Variants in ZZEF1 observed in about 807,000 individuals in gnomAD.
ZZEF1 encodes the protein zinc finger ZZ-type and EF-hand domain containing 1.
In ZZEF1, 157 loss-of-function variants were observed where a neutral mutation model predicts 342.8. The ratio of observed to expected loss-of-function variants is 0.46; its 90% CI spans 0.40 to 0.52. The LOEUF (loss-of-function observed/expected upper bound fraction) is 0.52. Ranked by LOEUF, ZZEF1 falls within the 20% of genes least tolerant of loss-of-function variation. ZZEF1 has a pLI of 0.00. For synonymous variants in ZZEF1, 1,505 were observed against 1,429.1 expected, an observed-to-expected ratio of 1.05 and a Z score of -1.20; for missense variants, 3,480 against 3,725.6, an observed-to-expected ratio of 0.93 and a Z score of 1.72.
chr17:4,128,471 T>TA (rs1403593416), intron 1 of ZZEF1, among the ~76,000 whole-genome samples: 3 of 151,112 alleles, frequency 2.0e-5, no homozygotes, highest in East Asian at 1.9e-4. Context: ...TTTTTTTTTT[T>TA]AAATTTGACA....
In ZZEF1 at chr17:4,072,610, C is replaced by T. The variant is rs1485650074; in HGVS notation, c.3832G>A (p.Glu1278Lys). The change falls in exon 25 of 55, where the codon GAG becomes AAG. Residue 1278 changes from glutamate to lysine, a missense_variant and splice_region_variant. Around this residue, in one of 5 missense-constraint regions of ZZEF1, gnomAD observed 1,528 missense variants for 1,624.1 expected, o/e 0.94. Transcript: ENST00000381638. ...WPTHPHRNSK[E>K]VKNIPDDPCR... ...AAAGAAAACGGAAGAGTAAATACCTCCTTACTATTCCGGTGTGGGTGAGTG... is the reference window on the plus strand; with the variant it reads ...AAAGAAAACGGAAGAGTAAATACCTTCTTACTATTCCGGTGTGGGTGAGTG... 6.2e-7 allele frequency: 1 copy of T among 1,608,562 alleles called. No individual in the cohort carries two copies. Among genetic ancestry groups the T allele is most frequent in the Admixed American group, 1.7e-5 (1 of 58,900 alleles).
chr17:4,033,083 A>C, intron 40 of ZZEF1, 81 bp from the exon 41 acceptor site: 1 of 1,369,022 alleles, frequency 7.3e-7, no homozygotes, highest in Admixed American at 2.5e-5. Context: ...TCCAAGGCAG[A>C]CCCAGAAGCC....
intron 33 of ZZEF1, among the ~76,000 whole-genome samples, chr17:4,055,778 G>A (rs2057144614): frequency 6.6e-6 from 1 of 152,194 alleles, no homozygotes; most frequent in African/African-American, 2.4e-5. Context: ...CAGGTTAAAG[G>A]TTAAACACCA....
Position 4,008,759 on chromosome 17 carries a change from CTG to C in ZZEF1, c.8805+122_8805+123del. Reference sequence around the variant, plus strand: ...GGAAGTGACTGAACTGGAACAAGCTCTGTGTAAGCTCCGGGTGGATTCTGTCC... The same window carrying C: ...GGAAGTGACTGAACTGGAACAAGCTCTGTAAGCTCCGGGTGGATTCTGTCC... On this transcript the variant is annotated intron_variant, in intron 54 of 54. Transcript: ENST00000381638. The surrounding 1 kb of genome is among the most constrained non-coding windows in gnomAD (Gnocchi z 4.2). 6.9e-7 allele frequency: 1 copy of C among 1,449,388 alleles called. No individual in the cohort carries two copies. Among genetic ancestry groups the C allele is most frequent in the Non-Finnish European group, 9.1e-7 (1 of 1,098,756 alleles). The allele number at this position is 1,449,388 out of a possible 1,614,324, so 89.8% of individuals were successfully genotyped here. A position where few individuals can be genotyped will look rare whatever the true frequency, so the allele number is the denominator to read the frequency against.
rs751494895 is a variant in ZZEF1, at chr17:4,049,784, G to A, written c.5939C>T (p.Thr1980Ile). ...SSLEDQALPV[T>I]VPTGASEEQL... ...CTCCTCTGACGCTCCGGTGGGCACAGTGACTGGTAGGGCCTGATCTTCTAG... is the reference window on the plus strand; with the variant it reads ...CTCCTCTGACGCTCCGGTGGGCACAATGACTGGTAGGGCCTGATCTTCTAG... Residue 1980 changes from threonine to isoleucine, a missense_variant, in exon 37 of 55, where the codon ACT (threonine) becomes ATT (isoleucine). Physicochemically the swap from Thr to Ile is moderately conservative, Grantham distance 89 (BLOSUM62 -1). Around this residue, in one of 5 missense-constraint regions of ZZEF1, gnomAD observed 1,269 missense variants for 1,342.4 expected, o/e 0.95. Transcript: ENST00000381638. The A allele has an allele frequency of 3.7e-6, 6 of 1,614,208 alleles. No homozygotes were observed. Among genetic ancestry groups the A allele is most frequent in the Non-Finnish European group, 5.1e-6 (6 of 1,180,042 alleles).
rs766307167 is a variant in ZZEF1, at chr17:4,009,466, C to T, written c.8733+138G>A. 8 of 1,209,460 alleles carry T rather than the reference C, an allele frequency of 6.6e-6. No individual in the cohort carries two copies. The East Asian group carries it at 1.4e-4, about 21-fold the overall frequency. 74.9% of individuals were successfully genotyped at this position (1,209,460 alleles called of 1,614,324 possible). On this transcript the variant is annotated intron_variant, in intron 53 of 54. Transcript: ENST00000381638. ...GGGAGAGGCGAGAGCCTCAGACTCT[C>T]AGCCATGCCTGTCCTGTGTGGCCTG...
intron 44 of ZZEF1, 67 bp from the exon 45 acceptor site, chr17:4,021,387 A>G: frequency 7.6e-7 from 1 of 1,312,816 alleles, no homozygotes; most frequent in Non-Finnish European, 1.0e-6. Context: ...CAGTCCTTTA[A>G]TCATGAAAAT....
chr17:4,007,074 A>T, intron 54 of ZZEF1, 104 bp from the exon 55 acceptor site: 1 of 1,052,804 alleles, frequency 9.5e-7, no homozygotes, highest in Non-Finnish European at 1.4e-6. Context: ...GGGACGGAGG[A>T]GGGGAACCAG....
intron 1 of ZZEF1, among the ~76,000 whole-genome samples, chr17:4,141,008 A>C (rs964131956): frequency 1.3e-5 from 2 of 151,776 alleles, no homozygotes; most frequent in Admixed American, 6.6e-5. Flanking sequence ...TCCTGGGTTC[A>C]AGCGGTTGTC....
chr17:4,107,308 C>CAA (rs928767582), intron 6 of ZZEF1, among the ~76,000 whole-genome samples: 1 of 151,790 alleles, frequency 6.6e-6, no homozygotes, highest in African/African-American at 2.4e-5. Context: ...GCCACATCTT[C>CAA]AAAAAAAATA....
intron 33 of ZZEF1, among the ~76,000 whole-genome samples, chr17:4,055,337 T>C (rs1274454549): frequency 2.0e-5 from 3 of 152,152 alleles, no homozygotes; most frequent in Non-Finnish European, 4.4e-5. Flanking sequence ...GTGAACAAAG[T>C]GGTTGGCACA....
chr17:4,041,495 A>G (rs76161920), intron 39 of ZZEF1, among the ~76,000 whole-genome samples: 1,664 of 152,134 alleles, frequency 0.011, 24 homozygotes, highest in African/African-American at 0.038. Context: ...TCCCTTCCCC[A>G]AAGTCCTGCC....
chr17:4,106,435 G>A (rs1474113826), intron 6 of ZZEF1, among the ~76,000 whole-genome samples: 1 of 151,482 alleles, frequency 6.6e-6, no homozygotes, highest in African/African-American at 2.4e-5. Context: ...AGCAGCTTGA[G>A]GCTCAGTAGA....
At chr17:4,037,445 AGAG>A (rs1344318173) in intron 39 of ZZEF1, among the ~76,000 whole-genome samples, 7 of 152,238 alleles carry the variant, frequency 4.6e-5, no homozygotes, top group African/African-American at 1.7e-4. Context: ...CCAACCCCAA[AGAG>A]GAGGACATTC....
chr17:4,110,609 G>C (rs1042312459), intron 5 of ZZEF1, among the ~76,000 whole-genome samples: 2 of 150,804 alleles, frequency 1.3e-5, no homozygotes, highest in African/African-American at 4.9e-5. Context: ...TCACAGAATT[G>C]TGATTATTTC....
At chr17:4,130,313 C>A (rs984377940) in intron 1 of ZZEF1, among the ~76,000 whole-genome samples, 2 of 151,578 alleles carry the variant, frequency 1.3e-5, no homozygotes, top group African/African-American at 4.9e-5. Context: ...ATTAGCCGGG[C>A]GTGGTGGTGG....
In ZZEF1 at chr17:4,006,539, G is replaced by T. The variant is rs1334387641; in HGVS notation, c.*351C>A. ...AAGTGCAGGCAGTTCCAGCTCCACG[G>T]AGACAGAAACCAGTTGAGAGAGGCC... On this transcript the variant is annotated 3_prime_UTR_variant, in exon 55 of 55. Transcript: ENST00000381638. The T allele has an allele frequency of 3.2e-6, 1 of 316,256 alleles. No homozygotes were observed. Among genetic ancestry groups the T allele is most frequent in the Non-Finnish European group, 6.0e-6 (1 of 165,482 alleles). The allele number at this position is 316,256 out of a possible 1,614,324, so 19.6% of individuals were successfully genotyped here.
At chr17:4,071,503 A>T (rs2057507839) in intron 25 of ZZEF1, 3 of 152,508 alleles carry the variant, frequency 2.0e-5, no homozygotes, top group Admixed American at 2.0e-4. Flanking sequence ...AAGATAATGC[A>T]GTGATTATAA....
rs776926079 is a variant in ZZEF1 at position 4,088,938 on chromosome 17, T to C, written c.2026-45A>G. 5.7e-6 allele frequency: 9 copies of C among 1,583,518 alleles called. No individual in the cohort carries two copies. In the East Asian group the frequency reaches 1.1e-4, roughly 20 times the overall value. On this transcript the variant is annotated intron_variant, in intron 12 of 54. Transcript: ENST00000381638. ...TTTCAATAGAAGAACTCAGAATCCC[T>C]GAATATTGATTAAAGAGGGAAAAAG...
Sources: allele counts gnomAD v4.1 joint callset (sites outside exome capture counted in the v4.1 genomes callset), GRCh38; gene constraint gnomAD v4.1.1; regional missense constraint gnomAD v4.1.1; non-coding constraint Gnocchi (gnomAD v3.1); transcripts MANE v1.5; gene names NCBI Gene and HGNC (gene_info 2026-07-23, HGNC 2026-07-21).